Variants in CAMTA1 observed in about 807,000 individuals in gnomAD.
The protein encoded by CAMTA1 is calmodulin-binding transcription activator 1.
Under a neutral mutation model 170.9 loss-of-function variants are expected in CAMTA1, and 27 were observed. That is an observed-to-expected ratio of 0.16 (90% CI 0.12 to 0.22). The LOEUF (loss-of-function observed/expected upper bound fraction) is 0.22, where lower values mean the gene tolerates loss of function less well. Among genes scored for constraint, CAMTA1 ranks in the 10% least tolerant of loss-of-function variants. CAMTA1 has a pLI of 1.00. For missense variants in CAMTA1, 1,619 were observed against 2,217.2 expected (o/e 0.73, Z 5.42); for synonymous variants, 833 against 891.5 (o/e 0.93, Z 1.17).
chr1:7,099,422 G>A (rs77896685), intron 4 of CAMTA1, among the ~76,000 whole-genome samples: 299 of 152,248 alleles, frequency 2.0e-3, no homozygotes, highest in Non-Finnish European at 3.8e-3. Context: ...TAAAAAACTT[G>A]TAAGAAAAGA....
intron 1 of CAMTA1, among the ~76,000 whole-genome samples, chr1:6,797,353 G>A (rs992171769): frequency 1.3e-5 from 2 of 150,594 alleles, no homozygotes; most frequent in Non-Finnish European, 2.9e-5. Flanking sequence ...GAACCACCAC[G>A]TTCGGCTGAG....
chr1:7,513,323 G>A (rs2149900491), intron 6 of CAMTA1, among the ~76,000 whole-genome samples: 1 of 152,304 alleles, frequency 6.6e-6, no homozygotes, highest in East Asian at 1.9e-4. Flanking sequence ...GGTCAGGAGA[G>A]CCACCTTGGA....
At chr1:6,956,713 CTT>C (rs1689519978) in intron 3 of CAMTA1, among the ~76,000 whole-genome samples, 1 of 152,142 alleles carries the variant, frequency 6.6e-6, no homozygotes, top group African/African-American at 2.4e-5. Flanking sequence ...AAACTTTGTT[CTT>C]TGTCATAAAC....
intron 6 of CAMTA1, among the ~76,000 whole-genome samples, chr1:7,485,203 GAA>G (rs1217957707): frequency 2.0e-5 from 3 of 152,224 alleles, no homozygotes; most frequent in Non-Finnish European, 4.4e-5. Context: ...GTCTGAGCCT[GAA>G]AGCCACGGCC....
chr1:6,939,749 G>A (rs1245611181), intron 3 of CAMTA1, among the ~76,000 whole-genome samples: 1 of 152,156 alleles, frequency 6.6e-6, no homozygotes, highest in African/African-American at 2.4e-5. Context: ...AGCAAACCCC[G>A]GTCACCCTTC....
intron 5 of CAMTA1, among the ~76,000 whole-genome samples, chr1:7,400,320 G>T (rs958956645): frequency 2.0e-5 from 3 of 151,926 alleles, no homozygotes; most frequent in South Asian, 4.2e-4. Context: ...GACTTTGTTT[G>T]GTTCTTTTTT....
chr1:6,823,556 C>T (rs1646765427), intron 2 of CAMTA1, among the ~76,000 whole-genome samples: 1 of 151,906 alleles, frequency 6.6e-6, no homozygotes, highest in South Asian at 2.1e-4. Context: ...ATTTAGTATG[C>T]CAAAACTCTC....
At chr1:7,371,578 C>T (rs2086474253) in intron 5 of CAMTA1, among the ~76,000 whole-genome samples, 1 of 152,180 alleles carries the variant, frequency 6.6e-6, no homozygotes, top group Non-Finnish European at 1.5e-5. Flanking sequence ...TGTTTTCTAT[C>T]GCCCTGTCTG....
Position 6,955,868 on chromosome 1 carries a change from C to T in CAMTA1, c.234+130658C>T, listed in dbSNP as rs1689363410. ...CCATGCCCAGCAGAGTCAAGGCTGT[C>T]AGAGGGATTTTCTCCCGCGGGTCTT... On this transcript the variant is annotated intron_variant, in intron 3 of 22. Transcript: ENST00000303635. 2.0e-5 allele frequency among the ~76,000 whole-genome samples: 3 copies of T among 152,156 alleles called. No homozygotes were observed. The South Asian group carries it at 6.2e-4, about 32-fold the overall frequency.
chr1:6,943,402 G>A (rs558067714), intron 3 of CAMTA1, among the ~76,000 whole-genome samples: 3 of 152,188 alleles, frequency 2.0e-5, no homozygotes, highest in Admixed American at 6.5e-5. Context: ...TTCAGAGAGC[G>A]GGGAAGTGCA....
intron 5 of CAMTA1, among the ~76,000 whole-genome samples, chr1:7,358,707 T>A (rs1373492289): frequency 6.6e-6 from 1 of 152,200 alleles, no homozygotes; most frequent in African/African-American, 2.4e-5. Flanking sequence ...ATTTGCAGCC[T>A]TTTCTTGTGT....
intron 4 of CAMTA1, among the ~76,000 whole-genome samples, chr1:7,204,536 A>G (rs1423548604): frequency 1.3e-5 from 2 of 152,082 alleles, no homozygotes; most frequent in African/African-American, 4.8e-5. Flanking sequence ...TATTATTTCT[A>G]TCCTTTTACA....
rs558329690 is a variant in CAMTA1 at position 7,046,019 on chromosome 1, G to GA, written c.235-45282dup. 6.8e-5 allele frequency among the ~76,000 whole-genome samples: 10 copies of GA among 147,828 alleles called. 1 individual carries two copies. The South Asian group carries it at 2.1e-3, about 31-fold the overall frequency. ...CAGGCATCCAAAACCCAGCTCTTCT[G>GA]AAAGGGCCTGGGATTCTCCAGTGGG... On this transcript the variant is annotated intron_variant, in intron 3 of 22. Transcript: ENST00000303635.
chr1:7,676,380 C>T (rs2149266756), intron 10 of CAMTA1, among the ~76,000 whole-genome samples: 1 of 152,350 alleles, frequency 6.6e-6, no homozygotes, highest in East Asian at 1.9e-4. Flanking sequence ...GACAGTGACT[C>T]CCGAAGGCCT....
intron 6 of CAMTA1, among the ~76,000 whole-genome samples, chr1:7,493,759 C>T (rs974330279): frequency 2.6e-5 from 4 of 152,178 alleles, no homozygotes; most frequent in African/African-American, 9.6e-5. Flanking sequence ...ACGCATCCTA[C>T]AGAAGTCAGC....
intron 3 of CAMTA1, among the ~76,000 whole-genome samples, chr1:7,054,928 C>A (rs917212204): frequency 6.6e-6 from 1 of 152,172 alleles, no homozygotes; most frequent in Non-Finnish European, 1.5e-5. Context: ...AGGAAACTTA[C>A]AATCATAGCA....
intron 5 of CAMTA1, among the ~76,000 whole-genome samples, chr1:7,310,678 TTCTCTC>T (rs70984069): frequency 5.8e-5 from 2 of 34,610 alleles, no homozygotes; most frequent in Admixed American, 3.8e-4. Flanking sequence ...TTTCCTTTCT[TTCTCTC>T]TCTCTCTCTC....
intron 3 of CAMTA1, among the ~76,000 whole-genome samples, chr1:6,919,529 A>T (rs979153900): frequency 2.0e-5 from 3 of 152,172 alleles, no homozygotes; most frequent in Admixed American, 6.5e-5. Context: ...CACTTCTCAG[A>T]TGTGGAAGTG....
chr1:6,823,486 A>G (rs1270584927), intron 2 of CAMTA1, among the ~76,000 whole-genome samples: 2 of 152,204 alleles, frequency 1.3e-5, no homozygotes, highest in Non-Finnish European at 2.9e-5. Context: ...TATACTGCTT[A>G]TAGAAATAGA....
Sources: allele counts gnomAD v4.1 joint callset (sites outside exome capture counted in the v4.1 genomes callset), GRCh38; gene constraint gnomAD v4.1.1; transcripts MANE v1.5; gene names NCBI Gene and HGNC (gene_info 2026-07-23, HGNC 2026-07-21).